The following BMPR1B variants were observed in gnomAD, a reference collection of about 807,000 sequenced individuals.
BMPR1B encodes the protein bone morphogenetic protein receptor type-1B.
A neutral mutation model predicts 59.1 loss-of-function variants in BMPR1B; 12 were observed. The ratio of observed to expected loss-of-function variants is 0.20; its 90% CI spans 0.13 to 0.33. The LOEUF is 0.33. Among genes scored for constraint, BMPR1B ranks in the 10% least tolerant of loss-of-function variants. The pLI is 1.00. For synonymous variants in BMPR1B, 237 were observed against 207.3 expected (o/e 1.14, Z -1.23); for missense variants, 550 against 610.9 (o/e 0.90, Z 1.05).
intron 3 of BMPR1B, among the ~76,000 whole-genome samples, chr4:95,020,910 C>A (rs530862642): frequency 7.9e-5 from 12 of 152,104 alleles, no homozygotes; most frequent in African/African-American, 2.9e-4. Flanking sequence ...GAGATGAGGT[C>A]TTGCTTTGTT....
intron 2 of BMPR1B, among the ~76,000 whole-genome samples, chr4:94,919,683 C>A (rs527916576): frequency 6.6e-6 from 1 of 152,306 alleles, no homozygotes; most frequent in Non-Finnish European, 1.5e-5. Context: ...TTTCTTCCTG[C>A]ATGCCAGGGC....
At chr4:94,887,341 C>G (rs554023631) in intron 2 of BMPR1B, among the ~76,000 whole-genome samples, 146 of 133,974 alleles carry the variant, frequency 1.1e-3, no homozygotes, top group African/African-American at 3.6e-3. Context: ...TGAAAAAGAT[C>G]AGATAGTGAA....
chr4:94,891,914 A>G (rs1219755039), intron 2 of BMPR1B, among the ~76,000 whole-genome samples: 2 of 152,180 alleles, frequency 1.3e-5, no homozygotes, highest in East Asian at 3.9e-4. Flanking sequence ...TGTGCCAAAG[A>G]GACAAATCAG....
At chr4:94,896,539 G>A (rs1272545063) in intron 2 of BMPR1B, among the ~76,000 whole-genome samples, 1 of 151,878 alleles carries the variant, frequency 6.6e-6, no homozygotes, top group Non-Finnish European at 1.5e-5. Flanking sequence ...GCTCAAAACA[G>A]TGTAAAAAAA....
intron 2 of BMPR1B, among the ~76,000 whole-genome samples, chr4:94,931,351 C>T (rs1442779723): frequency 3.9e-5 from 6 of 152,154 alleles, no homozygotes; most frequent in Admixed American, 2.0e-4. Flanking sequence ...ATGTTATACA[C>T]GTCGTGGACT....
At chr4:94,802,352 A>C (rs1723440703) in intron 1 of BMPR1B, among the ~76,000 whole-genome samples, 1 of 152,158 alleles carries the variant, frequency 6.6e-6, no homozygotes, top group Non-Finnish European at 1.5e-5. Flanking sequence ...GGAGCTAAGC[A>C]AACTGCTCTG....
rs376981445 is a variant in BMPR1B at position 94,776,376 on chromosome 4, C to T, written c.-183+18308C>T. Among the ~76,000 whole-genome samples, 14 of 152,312 alleles carry T rather than the reference C, an allele frequency of 9.2e-5. No individual in the cohort carries two copies. The South Asian group carries it at 1.7e-3, about 18-fold the overall frequency. On this transcript the variant is annotated intron_variant, in intron 1 of 12. Coordinates refer to ENST00000515059, the MANE Select transcript of BMPR1B (RefSeq NM_001203.3). ...CATCATAAGCATTTGAGACAGCTTT[C>T]TTGATTGGCGACCATTGTGCCTTCC...
At chr4:94,845,614 T>C (rs1304821520) in intron 1 of BMPR1B, among the ~76,000 whole-genome samples, 1 of 152,200 alleles carries the variant, frequency 6.6e-6, no homozygotes, top group African/African-American at 2.4e-5. Flanking sequence ...AGTGCTGGGA[T>C]TACAGGCGTG....
intron 3 of BMPR1B, among the ~76,000 whole-genome samples, chr4:95,067,387 A>G (rs976877595): frequency 8.5e-5 from 13 of 152,180 alleles, no homozygotes; most frequent in African/African-American, 3.1e-4. Flanking sequence ...ATGTGTTGGC[A>G]TCTTCTGGAA....
intron 3 of BMPR1B, among the ~76,000 whole-genome samples, chr4:95,052,161 C>T (rs1726553396): frequency 6.6e-6 from 1 of 152,044 alleles, no homozygotes; most frequent in South Asian, 2.1e-4. Flanking sequence ...TATAGGTTAG[C>T]TAGTTTTCTT....
intron 1 of BMPR1B, among the ~76,000 whole-genome samples, chr4:94,837,515 A>G (rs1724872331): frequency 6.9e-6 from 1 of 145,226 alleles, no homozygotes; most frequent in African/African-American, 2.6e-5. Flanking sequence ...ATTGTCTTTG[A>G]AGCAATTGTG....
At chr4:94,941,724 C>T (rs944485091) in intron 2 of BMPR1B, among the ~76,000 whole-genome samples, 1 of 152,000 alleles carries the variant, frequency 6.6e-6, no homozygotes, top group East Asian at 1.9e-4. Context: ...GTGAATTGCT[C>T]TGTGTTTTCC....
At chr4:95,120,889 A>G (rs938858212) in intron 6 of BMPR1B, among the ~76,000 whole-genome samples, 2 of 150,884 alleles carry the variant, frequency 1.3e-5, no homozygotes, top group African/African-American at 2.4e-5. Flanking sequence ...GCTCACTGCA[A>G]CCTCCACCTC....
chr4:95,110,195 A>T (rs1050939457), intron 4 of BMPR1B, among the ~76,000 whole-genome samples: 1 of 151,994 alleles, frequency 6.6e-6, no homozygotes, highest in African/African-American at 2.4e-5. Context: ...GATTAGAGTT[A>T]GGAGAGGAGA....
At chr4:95,042,739 A>G (rs1725746830) in intron 3 of BMPR1B, among the ~76,000 whole-genome samples, 1 of 152,154 alleles carries the variant, frequency 6.6e-6, no homozygotes, top group Admixed American at 6.5e-5. Context: ...TCTATGTTCT[A>G]TCTGGAAATA....
intron 1 of BMPR1B, among the ~76,000 whole-genome samples, chr4:94,836,350 G>C (rs968406185): frequency 2.7e-5 from 4 of 146,812 alleles, no homozygotes; most frequent in African/African-American, 5.2e-5. Flanking sequence ...TTCCACAATG[G>C]TTGAACTAGT....
At chr4:94,926,075 TCTCCCTCCCC>T (rs1728880085) in intron 2 of BMPR1B, among the ~76,000 whole-genome samples, 1 of 36,584 alleles carries the variant, frequency 2.7e-5, no homozygotes, top group South Asian at 1.7e-3. Flanking sequence ...ATCCCTCCCG[TCTCCCTCCCC>T]TTCTCTCCCT....
intron 2 of BMPR1B, among the ~76,000 whole-genome samples, chr4:94,877,100 A>G (rs562695977): frequency 1.4e-4 from 21 of 152,316 alleles, no homozygotes; most frequent in African/African-American, 5.1e-4. Flanking sequence ...TTTTCAGCAT[A>G]GTAAGTTTCA....
intron 2 of BMPR1B, among the ~76,000 whole-genome samples, chr4:94,879,841 A>G (rs1477518144): frequency 6.6e-6 from 1 of 152,184 alleles, no homozygotes; most frequent in East Asian, 1.9e-4. Context: ...TCAGTTTTTA[A>G]TACAAAGTTT....
Sources: allele counts gnomAD v4.1 joint callset (sites outside exome capture counted in the v4.1 genomes callset), GRCh38; gene constraint gnomAD v4.1.1; transcripts MANE v1.5; gene names NCBI Gene and HGNC (gene_info 2026-07-23, HGNC 2026-07-21).